REV3L: variants seen among roughly 807,000 people sequenced by gnomAD.
REV3L encodes DNA polymerase zeta catalytic subunit.
REV3L carries 69 observed loss-of-function variants against 299.4 expected under a neutral mutation model. The observed-to-expected ratio is 0.23, with a 90% CI of 0.19 to 0.28. The LOEUF is 0.28. REV3L is among the 10% of genes least tolerant of loss of function. The probability of loss-of-function intolerance (pLI) is 1.00; values close to 1 mark genes in which losing one functional copy is unlikely to be tolerated. For synonymous variants in REV3L, 1,238 were observed against 1,271.4 expected (o/e 0.97, Z 0.56); for missense variants, 3,128 against 3,693.8 (o/e 0.85, Z 3.97).
intron 26 of REV3L, among the ~76,000 whole-genome samples, chr6:111,319,879 G>C (rs929925550): frequency 6.6e-6 from 1 of 151,788 alleles, no homozygotes; most frequent in Non-Finnish European, 1.5e-5. Flanking sequence ...GCCCAGGCTG[G>C]AGTGCAGTGG....
chr6:111,482,929 G>GGCAGCGGCAGCA lies in REV3L; in HGVS notation c.-53_-42dup, dbSNP rs1374349476. ...CACTGCCTCCCTTCACTGGCGACCCGGCAGCGGCAGCAGCAGCGGCGGCGG... is the reference window on the plus strand; with the variant it reads ...CACTGCCTCCCTTCACTGGCGACCCGGCAGCGGCAGCAGCAGCGGCAGCAGCAGCGGCGGCGG... On this transcript the variant is annotated 5_prime_UTR_variant, in exon 1 of 32. Coordinates refer to ENST00000368802, the MANE Select transcript of REV3L (RefSeq NM_001372078.1). 5 of 1,485,412 alleles carry GGCAGCGGCAGCA rather than the reference G, an allele frequency of 3.4e-6. No individual in the cohort carries two copies. The highest frequency in any genetic ancestry group is 1.4e-5 in the South Asian group (1 of 72,700). The allele number at this position is 1,485,412 out of a possible 1,614,324, so 92.0% of individuals were successfully genotyped here.
intron 1 of REV3L, among the ~76,000 whole-genome samples, chr6:111,423,248 G>T (rs1582935726): frequency 8.3e-6 from 1 of 120,666 alleles, no homozygotes; most frequent in Non-Finnish European, 2.1e-5. Context: ...GTGCTCAGAA[G>T]CACAAAATCC....
Position 111,373,315 on chromosome 6 carries a change from A to G in REV3L, c.5040T>C (p.Asp1680=). 1 of 1,614,048 alleles carries G rather than the reference A, an allele frequency of 6.2e-7. No individual in the cohort carries two copies. Among genetic ancestry groups the G allele is most frequent in the Non-Finnish European group, 8.5e-7 (1 of 1,179,974 alleles). The part of the protein sequence containing the change: ...DQNLPQKFLS[D]AVQDLFPGQA... ...GTCCTGGAAAAAGATCCTGAACAGC[A>G]TCACTTAGGAACTTCTGAGGCAAAT... Residue 1680 remains aspartate (D), a synonymous_variant, in exon 13 of 32, where the codon GAT becomes GAC. Transcript: ENST00000368802.
intron 1 of REV3L, among the ~76,000 whole-genome samples, chr6:111,473,921 T>C (rs956840162): frequency 2.0e-5 from 3 of 152,146 alleles, no homozygotes; most frequent in African/African-American, 4.8e-5. Context: ...GTTTTCTTCA[T>C]ACAAAATGAG....
chr6:111,476,269 C>A (rs990397450), intron 1 of REV3L, among the ~76,000 whole-genome samples: 7 of 152,300 alleles, frequency 4.6e-5, no homozygotes, highest in Non-Finnish European at 1.0e-4. Context: ...GATCCTCCTG[C>A]CTCAGCCTCC....
At chr6:111,426,537 A>G (rs566056283) in intron 1 of REV3L, among the ~76,000 whole-genome samples, 1 of 152,322 alleles carries the variant, frequency 6.6e-6, no homozygotes, top group East Asian at 1.9e-4. Context: ...GGATATAAAT[A>G]ACTCCCACAA....
intron 9 of REV3L, among the ~76,000 whole-genome samples, chr6:111,385,077 G>C (rs1437350650): frequency 2.6e-5 from 4 of 151,950 alleles, no homozygotes; most frequent in African/African-American, 7.2e-5. Flanking sequence ...ATGGAGATAA[G>C]AGAGTAGAAT....
Position 111,468,801 on chromosome 6 carries a change from A to G in REV3L, c.139+13949T>C, listed in dbSNP as rs572588391. ...GTTGGTCATTCTCAAAAAATTGTTA[A>G]AAGTTTTCTACTTTTATAGAATTCT... On this transcript the variant is annotated intron_variant, in intron 1 of 31. Transcript: ENST00000368802. Among the ~76,000 whole-genome samples the G allele has an allele frequency of 2.0e-5, 3 of 152,332 alleles. No homozygotes were observed. The South Asian group carries it at 6.2e-4, about 32-fold the overall frequency.
intron 14 of REV3L, among the ~76,000 whole-genome samples, chr6:111,366,860 G>A (rs1779278719): frequency 6.6e-6 from 1 of 152,118 alleles, no homozygotes; most frequent in Non-Finnish European, 1.5e-5. Context: ...AAGCCAACAG[G>A]AAAGTCAAGT....
chr6:111,468,305 TG>T (rs1459755404), intron 1 of REV3L, among the ~76,000 whole-genome samples: 1 of 151,874 alleles, frequency 6.6e-6, no homozygotes, highest in African/African-American at 2.4e-5. Context: ...ATTTATGAAA[TG>T]AAAAAAAGAT....
chr6:111,338,894 A>G (rs1776208201), intron 21 of REV3L, among the ~76,000 whole-genome samples: 1 of 152,134 alleles, frequency 6.6e-6, no homozygotes, highest in Non-Finnish European at 1.5e-5. Flanking sequence ...ATTTTCACAT[A>G]TTGGTTGACA....
At position 111,374,118 on chromosome 6, in the gene REV3L, G is replaced by C. The variant is rs778027970; in HGVS notation, c.4237C>G (p.Gln1413Glu). 1 of 1,614,078 alleles carries C rather than the reference G, an allele frequency of 6.2e-7. No homozygotes were observed. Among genetic ancestry groups the C allele is most frequent in the Non-Finnish European group, 8.5e-7 (1 of 1,179,978 alleles). Reference sequence around the variant, plus strand: ...TGCAAAAAATTAGGGGTATATGCTTGGTCCAGCTTTGATTCTAGGGAATTG... The same window carrying C: ...TGCAAAAAATTAGGGGTATATGCTTCGTCCAGCTTTGATTCTAGGGAATTG... Reference protein sequence around the residue: ...YRNSLESKLDQAYTPNFLHCK... With the variant: ...YRNSLESKLDEAYTPNFLHCK... The change falls in exon 13 of 32, where the codon CAA becomes GAA. Residue 1413 changes from glutamine to glutamate, a missense_variant. Transcript: ENST00000368802.
chr6:111,327,017 C>G (rs746046982), intron 25 of REV3L, among the ~76,000 whole-genome samples: 2 of 152,070 alleles, frequency 1.3e-5, no homozygotes, highest in African/African-American at 2.4e-5. Flanking sequence ...CTGAGAAGAC[C>G]AGGGTCAAGG....
chr6:111,471,597 A>G (rs1177027016), intron 1 of REV3L, among the ~76,000 whole-genome samples: 1 of 152,236 alleles, frequency 6.6e-6, no homozygotes, highest in Non-Finnish European at 1.5e-5. Flanking sequence ...TTAGCTGGTT[A>G]TCTTATTCAA....
At chr6:111,323,898 T>C (rs1420312808) in intron 25 of REV3L, among the ~76,000 whole-genome samples, 2 of 152,224 alleles carry the variant, frequency 1.3e-5, no homozygotes, top group African/African-American at 4.8e-5. Context: ...TAAAAGGCTA[T>C]TTAAAATTGC....
chr6:111,364,945 T>G (rs1779052744), intron 15 of REV3L, among the ~76,000 whole-genome samples: 4 of 151,952 alleles, frequency 2.6e-5, no homozygotes, highest in African/African-American at 2.4e-5. Context: ...ATCACTTACT[T>G]GAGCTCTGCT....
At chr6:111,467,790 C>T (rs1791687492) in intron 1 of REV3L, among the ~76,000 whole-genome samples, 1 of 152,080 alleles carries the variant, frequency 6.6e-6, no homozygotes, top group South Asian at 2.1e-4. Context: ...TTTTTATATC[C>T]TCAGGGATTC....
chr6:111,343,968 G>T lies in REV3L; in HGVS notation c.7495C>A (p.Arg2499=). 2 of 1,613,240 alleles carry T rather than the reference G, an allele frequency of 1.2e-6. No individual in the cohort carries two copies. Among genetic ancestry groups the T allele is most frequent in the East Asian group, 2.2e-5 (1 of 44,832 alleles). ...TTATCAAACCAGTCTGACAAGACTCGAAAGGTAAAGAGGGGAAAACGCTGA... is the reference window on the plus strand; with the variant it reads ...TTATCAAACCAGTCTGACAAGACTCTAAAGGTAAAGAGGGGAAAACGCTGA... The part of the protein sequence containing the change: ...LHQRFPLFTF[R]VLSDWFDNKT... The change falls in exon 21 of 32, where the codon CGA becomes AGA. Residue 2499 remains arginine (R), a synonymous_variant. Coordinates refer to ENST00000368802, the MANE Select transcript of REV3L (RefSeq NM_001372078.1).
chr6:111,473,838 T>C (rs570501598), intron 1 of REV3L, among the ~76,000 whole-genome samples: 1 of 152,238 alleles, frequency 6.6e-6, no homozygotes, highest in African/African-American at 2.4e-5. Context: ...AGATCCCCAA[T>C]TTTCAAATCC....
Sources: gnomAD v4.1 joint callset for allele counts (sites outside exome capture counted in the v4.1 genomes callset) on GRCh38, gnomAD v4.1.1 for gene constraint, MANE v1.5 for transcripts, NCBI Gene and HGNC (gene_info 2026-07-23, HGNC 2026-07-21) for gene names.